The following TRAM2 variants were observed in gnomAD, a reference collection of about 807,000 sequenced individuals.
TRAM2 encodes the protein translocation associated membrane protein 2, also known as translocating chain-associated membrane protein 2.
TRAM2 carries 12 observed loss-of-function variants against 51.0 expected under a neutral mutation model. The ratio of observed to expected loss-of-function variants is 0.24; its 90% confidence interval spans 0.15 to 0.38. TRAM2 has a LOEUF of 0.38. Among genes scored for constraint, TRAM2 ranks in the 10% least tolerant of loss-of-function variants. The pLI is 1.00. For missense variants in TRAM2, 361 were observed against 462.0 expected (o/e 0.78, Z 2.00); for synonymous variants, 175 against 179.4 (o/e 0.98, Z 0.20).
chr6:52,554,519 C>CA (rs55641649), intron 1 of TRAM2, among the ~76,000 whole-genome samples: 22,896 of 108,704 alleles, frequency 0.21, 2,658 homozygotes, highest in Non-Finnish European at 0.29. Flanking sequence ...GACCCCATCT[C>CA]AAAAAAAAAA....
At position 52,577,029 on chromosome 6, in the gene TRAM2, A is replaced by C. The variant is rs1338836769; in HGVS notation, c.-114T>G. 8.2e-7 allele frequency: 1 copy of C among 1,223,068 alleles called. No homozygotes were observed. The highest frequency in any genetic ancestry group is 1.0e-6 in the Non-Finnish European group (1 of 970,016). 75.8% of individuals were successfully genotyped at this position (1,223,068 alleles called of 1,614,324 possible). A position where few individuals can be genotyped will look rare whatever the true frequency, so the allele number is the denominator to read the frequency against. ...GCCGGCCCGCCGCCCGCTCTCCCACAGCCGCTCGCCCGCCCAGCGCGGAAC... is the reference window on the plus strand; with the variant it reads ...GCCGGCCCGCCGCCCGCTCTCCCACCGCCGCTCGCCCGCCCAGCGCGGAAC... On this transcript the variant is annotated 5_prime_UTR_variant, in exon 1 of 11. Transcript: ENST00000182527.
chr6:52,520,059 G>GA (rs762211289), intron 2 of TRAM2, among the ~76,000 whole-genome samples: 4 of 152,194 alleles, frequency 2.6e-5, no homozygotes, highest in Non-Finnish European at 5.9e-5. Context: ...AAAGTGTTCT[G>GA]AAAATTGGTT....
chr6:52,546,699 G>C (rs998555835), intron 1 of TRAM2, among the ~76,000 whole-genome samples: 1 of 152,106 alleles, frequency 6.6e-6, no homozygotes, highest in Non-Finnish European at 1.5e-5. Context: ...TGGATGGCTG[G>C]GGGTGTGAGA....
chr6:52,567,897 T>C (rs1313259922), intron 1 of TRAM2, among the ~76,000 whole-genome samples: 4 of 152,214 alleles, frequency 2.6e-5, no homozygotes, highest in African/African-American at 9.6e-5. Flanking sequence ...TGGAGCACAA[T>C]GTTTGCCTAG....
intron 1 of TRAM2, among the ~76,000 whole-genome samples, chr6:52,556,733 G>T (rs974276925): frequency 1.3e-5 from 2 of 150,740 alleles, no homozygotes; most frequent in African/African-American, 4.9e-5. Flanking sequence ...TTTGAGACCG[G>T]CCTGGCCAAC....
chr6:52,523,743 T>C (rs1199680097), intron 2 of TRAM2: 1 of 152,258 alleles, frequency 6.6e-6, no homozygotes, highest in Non-Finnish European at 1.5e-5. Context: ...ACAGTCAAAA[T>C]GACGTGTGTA....
chr6:52,515,955 T>A (rs773436708), intron 4 of TRAM2, 51 bp downstream of exon 4: 19 of 1,506,762 alleles, frequency 1.3e-5, no homozygotes, highest in Admixed American at 5.1e-5. Context: ...AGAGCTGGAA[T>A]TGCCCCTTGG....
At chr6:52,525,936 G>T (rs1341305994) in intron 2 of TRAM2, among the ~76,000 whole-genome samples, 1 of 152,044 alleles carries the variant, frequency 6.6e-6, no homozygotes, top group Non-Finnish European at 1.5e-5. Context: ...AACAGAGGGA[G>T]GGTGATGACA....
In TRAM2 at chr6:52,543,352, G is replaced by T. The variant is rs560612535; in HGVS notation, c.121-7506C>A. On this transcript the variant is annotated intron_variant, in intron 1 of 10. Transcript: ENST00000182527. ...TACATAAAAAATTTTAAATGCTCAG[G>T]CAAAATAATTTTCCAGAATAGTGAC... is the stretch of plus-strand genomic sequence containing the variant. 5.9e-5 allele frequency among the ~76,000 whole-genome samples: 9 copies of T among 152,226 alleles called. No individual in the cohort carries two copies. The East Asian group carries it at 1.2e-3, about 20-fold the overall frequency.
chr6:52,523,094 T>C, intron 2 of TRAM2: 1 of 497,896 alleles, frequency 2.0e-6, no homozygotes, highest in Non-Finnish European at 3.5e-6. Context: ...TTAAAGAGCA[T>C]CACTGTACTC....
At chr6:52,525,211 C>T (rs142871289) in intron 2 of TRAM2, 1 of 152,300 alleles carries the variant, frequency 6.6e-6, no homozygotes, top group Non-Finnish European at 1.5e-5. Context: ...CCCCATCAGG[C>T]CTCTCTGCCT....
chr6:52,550,503 A>C (rs981548980), intron 1 of TRAM2, among the ~76,000 whole-genome samples: 1 of 152,168 alleles, frequency 6.6e-6, no homozygotes, highest in African/African-American at 2.4e-5. Context: ...TATGATAATA[A>C]TTAACCTCAT....
intron 2 of TRAM2, among the ~76,000 whole-genome samples, chr6:52,526,140 TACACACAGACAGACACACACACACAC>T (rs1193139944): frequency 1.0e-5 from 1 of 98,768 alleles, no homozygotes; most frequent in African/African-American, 3.9e-5. Flanking sequence ...TCCTAGGAAA[TACACACAGACAGACACACACACACAC>T]ACACACACAC....
intron 2 of TRAM2, among the ~76,000 whole-genome samples, chr6:52,527,268 C>T (rs1766799405): frequency 1.3e-5 from 2 of 151,356 alleles, no homozygotes; most frequent in Admixed American, 1.3e-4. Flanking sequence ...GTCCTTGCTA[C>T]TCGGGAGGCT....
chr6:52,505,963 ACCAT>A, intron 8 of TRAM2, 65 bp downstream of exon 8: 2 of 1,556,156 alleles, frequency 1.3e-6, no homozygotes, highest in Non-Finnish European at 1.8e-6. Flanking sequence ...GGACCCTCCA[ACCAT>A]CCGGGCCTCG....
chr6:52,531,832 G>T (rs1200446324), intron 2 of TRAM2, among the ~76,000 whole-genome samples: 1 of 151,742 alleles, frequency 6.6e-6, no homozygotes, highest in Non-Finnish European at 1.5e-5. Flanking sequence ...TTAATTCATT[G>T]TTTACTTGTT....
In TRAM2 at chr6:52,504,273, G is replaced by T. The variant is rs189780791; in HGVS notation, c.1039+318C>A. ...AGAATGGGCGGCGGCGGCAGTAGCA[G>T]CACTTGGCTGGGGTCCAGAAGCCAC... is the stretch of plus-strand genomic sequence containing the variant. On this transcript the variant is annotated intron_variant, in intron 10 of 10. Transcript: ENST00000182527. 2.5e-3 allele frequency among the ~76,000 whole-genome samples: 378 copies of T among 152,334 alleles called. 2 individuals are homozygous for T. Among genetic ancestry groups the T allele is most frequent in the Non-Finnish European group, 3.1e-3 (214 of 68,028 alleles).
chr6:52,522,847 C>T, intron 2 of TRAM2: 1 of 698,976 alleles, frequency 1.4e-6, no homozygotes, highest in South Asian at 1.5e-5. Context: ...TGCTCCGTTT[C>T]CTATGACTAA....
intron 6 of TRAM2, among the ~76,000 whole-genome samples, chr6:52,507,825 GCAGC>G (rs1300139277): frequency 6.6e-6 from 1 of 152,192 alleles, no homozygotes; most frequent in Non-Finnish European, 1.5e-5. Flanking sequence ...CCAAATTCCA[GCAGC>G]CTTGGGTCTA....
Sources: allele counts gnomAD v4.1 joint callset (sites outside exome capture counted in the v4.1 genomes callset), GRCh38; gene constraint gnomAD v4.1.1; transcripts MANE v1.5; gene names NCBI Gene and HGNC (gene_info 2026-07-23, HGNC 2026-07-21).